Variants in CSMD1 observed in about 807,000 individuals in gnomAD.
CSMD1 encodes CUB and Sushi multiple domains 1.
In CSMD1, 213 loss-of-function variants were observed where a neutral mutation model predicts 417.5. That is an observed-to-expected ratio of 0.51 (90% CI 0.46 to 0.57). The LOEUF (loss-of-function observed/expected upper bound fraction) is 0.57. Ranked by LOEUF, CSMD1 falls within the 20% of genes least tolerant of loss-of-function variation. The pLI, the probability that CSMD1 is intolerant of heterozygous loss-of-function variation, is 0.00. For synonymous variants in CSMD1, 2,862 were observed against 1,736.8 expected, an observed-to-expected ratio of 1.65 and a Z score of -16.11; for missense variants, 6,923 against 4,529.7, an observed-to-expected ratio of 1.53 and a Z score of -15.17.
chr8:4,062,441 C>T (rs894733113), intron 3 of CSMD1, among the ~76,000 whole-genome samples: 1 of 152,068 alleles, frequency 6.6e-6, no homozygotes, highest in African/African-American at 2.4e-5. Context: ...TTCTAAGAAT[C>T]TCAGATATCT....
At chr8:3,756,946 C>T (rs572333351) in intron 5 of CSMD1, among the ~76,000 whole-genome samples, 4 of 152,220 alleles carry the variant, frequency 2.6e-5, no homozygotes, top group African/African-American at 9.6e-5. Context: ...TATGTGCACA[C>T]CATATCTGGA....
At chr8:3,627,902 T>C (rs1796574294) in intron 7 of CSMD1, among the ~76,000 whole-genome samples, 1 of 152,194 alleles carries the variant, frequency 6.6e-6, no homozygotes, top group Admixed American at 6.5e-5. Context: ...AGGAGAGCTT[T>C]AAGGAGATAA....
At chr8:3,372,016 T>C (rs922410407) in intron 18 of CSMD1, among the ~76,000 whole-genome samples, 15 of 152,168 alleles carry the variant, frequency 9.9e-5, no homozygotes, top group Admixed American at 1.3e-4. Context: ...TTCTAAAGTA[T>C]GAATTCCAGT....
chr8:4,479,846 G>C (rs1360069332), intron 2 of CSMD1, among the ~76,000 whole-genome samples: 1 of 151,686 alleles, frequency 6.6e-6, no homozygotes, highest in African/African-American at 2.4e-5. Context: ...CACTCCTTTA[G>C]TTCCAGCTAC....
At chr8:4,622,438 T>G (rs1256486456) in intron 2 of CSMD1, among the ~76,000 whole-genome samples, 2 of 152,014 alleles carry the variant, frequency 1.3e-5, no homozygotes, top group African/African-American at 4.8e-5. Context: ...ACTATGGAGA[T>G]GATTGTCACT....
At chr8:4,248,872 A>G (rs1802874064) in intron 3 of CSMD1, among the ~76,000 whole-genome samples, 1 of 150,996 alleles carries the variant, frequency 6.6e-6, no homozygotes, top group Non-Finnish European at 1.5e-5. Context: ...AAGTCACTCA[A>G]CAGTTTTCTG....
At chr8:4,810,341 C>T (rs1406978935) in intron 1 of CSMD1, among the ~76,000 whole-genome samples, 1 of 152,136 alleles carries the variant, frequency 6.6e-6, no homozygotes, top group Non-Finnish European at 1.5e-5. Context: ...TGTAAATGCA[C>T]AGCTTGCATT....
At chr8:4,008,932 T>C (rs1362024025) in intron 4 of CSMD1, among the ~76,000 whole-genome samples, 1 of 152,160 alleles carries the variant, frequency 6.6e-6, no homozygotes, top group Non-Finnish European at 1.5e-5. Flanking sequence ...TTCTAAATTG[T>C]GCTCCTATGA....
chr8:4,513,826 A>T (rs2130358327), intron 2 of CSMD1, among the ~76,000 whole-genome samples: 1 of 152,300 alleles, frequency 6.6e-6, no homozygotes, highest in East Asian at 1.9e-4. Context: ...TTTCTCTGTG[A>T]TGTACTGCTC....
At chr8:4,723,074 G>C (rs1284293437) in intron 1 of CSMD1, among the ~76,000 whole-genome samples, 1 of 152,114 alleles carries the variant, frequency 6.6e-6, no homozygotes, top group East Asian at 1.9e-4. Flanking sequence ...AAAGTGAATA[G>C]AGGTCAGCTT....
At chr8:4,252,250 T>C (rs1323293217) in intron 3 of CSMD1, among the ~76,000 whole-genome samples, 2 of 152,218 alleles carry the variant, frequency 1.3e-5, no homozygotes, top group Admixed American at 1.3e-4. Flanking sequence ...CGTTCCTGGC[T>C]TCAGCCTTCT....
At chr8:4,551,500 C>G (rs367735690) in intron 2 of CSMD1, among the ~76,000 whole-genome samples, 21 of 152,094 alleles carry the variant, frequency 1.4e-4, no homozygotes, top group African/African-American at 4.6e-4. Flanking sequence ...AGAAAAACAA[C>G]TTGAAATTGA....
At chr8:3,504,324 C>G (rs1297756918) in intron 10 of CSMD1, among the ~76,000 whole-genome samples, 2 of 152,124 alleles carry the variant, frequency 1.3e-5, no homozygotes, top group African/African-American at 4.8e-5. Context: ...GCTGCTTACT[C>G]AACGAGAGTC....
chr8:4,296,203 C>G (rs757800980), intron 3 of CSMD1, among the ~76,000 whole-genome samples: 9 of 152,128 alleles, frequency 5.9e-5, no homozygotes, highest in Non-Finnish European at 1.2e-4. Flanking sequence ...CTCAACTCAT[C>G]TCCAGCTGGG....
At chr8:4,134,159 G>C (rs924244481) in intron 3 of CSMD1, among the ~76,000 whole-genome samples, 10 of 152,126 alleles carry the variant, frequency 6.6e-5, no homozygotes, top group African/African-American at 2.4e-4. Context: ...TGAAACTCAT[G>C]TGTATGTTTG....
chr8:3,840,329 T>C (rs964493043), intron 5 of CSMD1, among the ~76,000 whole-genome samples: 1 of 152,184 alleles, frequency 6.6e-6, no homozygotes, highest in Non-Finnish European at 1.5e-5. Flanking sequence ...CTCGCTGTCC[T>C]GTTAACAGAA....
At chr8:3,994,350 G>T (rs561916160) in intron 5 of CSMD1, among the ~76,000 whole-genome samples, 1 of 147,026 alleles carries the variant, frequency 6.8e-6, no homozygotes, top group South Asian at 2.2e-4. Flanking sequence ...TCTTAATTTA[G>T]AAACCATAGA....
chr8:3,755,768 G>C (rs1206149800), intron 5 of CSMD1, among the ~76,000 whole-genome samples: 1 of 152,232 alleles, frequency 6.6e-6, no homozygotes, highest in Middle Eastern at 3.4e-3. Flanking sequence ...AACCTTGACT[G>C]TAACCAATTA....
intron 17 of CSMD1, among the ~76,000 whole-genome samples, chr8:3,391,220 T>C (rs376813952): frequency 6.6e-6 from 1 of 152,108 alleles, no homozygotes. Flanking sequence ...CTAAATATAC[T>C]CCTTTATCAC....
Sources: gnomAD v4.1 joint callset for allele counts (sites outside exome capture counted in the v4.1 genomes callset) on GRCh38, gnomAD v4.1.1 for gene constraint, MANE v1.5 for transcripts, NCBI Gene and HGNC (gene_info 2026-07-23, HGNC 2026-07-21) for gene names.